ODAD2: variants seen among roughly 807,000 people sequenced by gnomAD.
ODAD2 encodes the protein outer dynein arm-docking complex subunit 2.
In ODAD2, 89 loss-of-function variants were observed where a neutral mutation model predicts 106.8. The observed-to-expected ratio is 0.83, with a 90% CI of 0.70 to 0.99. The LOEUF (loss-of-function observed/expected upper bound fraction) is 0.99. Among genes scored for constraint, ODAD2 ranks in the 50% least tolerant of loss-of-function variants. The pLI is 0.00. For missense variants in ODAD2, 1,168 were observed against 1,238.5 expected (o/e 0.94, Z 0.85); for synonymous variants, 404 against 436.2 (o/e 0.93, Z 0.92).
At chr10:27,854,765 C>T (rs531997021) in intron 19 of ODAD2, among the ~76,000 whole-genome samples, 2 of 151,936 alleles carry the variant, frequency 1.3e-5, no homozygotes, top group African/African-American at 4.8e-5. Context: ...CAAAACAAAA[C>T]TAAACAAAAC....
At chr10:27,918,951 C>CA (rs1844585844) in intron 16 of ODAD2, among the ~76,000 whole-genome samples, 3 of 149,766 alleles carry the variant, frequency 2.0e-5, no homozygotes, top group African/African-American at 7.3e-5. Flanking sequence ...TTATCAATCA[C>CA]AAAACCACAA....
At chr10:27,949,243 T>C (rs1219463691) in intron 10 of ODAD2, among the ~76,000 whole-genome samples, 1 of 152,128 alleles carries the variant, frequency 6.6e-6, no homozygotes, top group Non-Finnish European at 1.5e-5. Flanking sequence ...GACACACCGG[T>C]TTACCAAAAC....
chr10:27,980,871 C>T (rs1849500912), intron 7 of ODAD2, among the ~76,000 whole-genome samples: 1 of 152,128 alleles, frequency 6.6e-6, no homozygotes, highest in Non-Finnish European at 1.5e-5. Context: ...GATACCTGTA[C>T]ACCAATATTC....
At chr10:27,846,147 T>G (rs1838732684) in intron 19 of ODAD2, among the ~76,000 whole-genome samples, 1 of 152,206 alleles carries the variant, frequency 6.6e-6, no homozygotes, top group Non-Finnish European at 1.5e-5. Flanking sequence ...ATCGTACTTA[T>G]TCCAAAATTG....
At chr10:27,940,213 GAT>G (rs1846296506) in intron 13 of ODAD2, among the ~76,000 whole-genome samples, 1 of 151,058 alleles carries the variant, frequency 6.6e-6, no homozygotes. Context: ...ATAGTGTATA[GAT>G]ATATATGTCA....
chr10:27,922,950 A>C (rs1844897129), intron 16 of ODAD2, among the ~76,000 whole-genome samples: 1 of 149,890 alleles, frequency 6.7e-6, no homozygotes, highest in Non-Finnish European at 1.5e-5. Flanking sequence ...AACAAAAAAC[A>C]AAAAAAACTA....
intron 10 of ODAD2, among the ~76,000 whole-genome samples, chr10:27,947,421 C>T (rs972996892): frequency 3.3e-5 from 5 of 152,104 alleles, no homozygotes; most frequent in South Asian, 2.1e-4. Flanking sequence ...GCTATGATCA[C>T]ACTACCACTC....
chr10:27,934,577 T>C (rs1453205672), intron 16 of ODAD2, among the ~76,000 whole-genome samples: 2 of 152,030 alleles, frequency 1.3e-5, no homozygotes, highest in Non-Finnish European at 2.9e-5. Context: ...TTACTTAAAA[T>C]TCTTGTCTCT....
At chr10:27,850,039 C>A (rs746564548) in intron 19 of ODAD2, among the ~76,000 whole-genome samples, 5 of 152,156 alleles carry the variant, frequency 3.3e-5, no homozygotes, top group African/African-American at 7.2e-5. Flanking sequence ...GGACACAGCA[C>A]TAAAGTGAAT....
intron 16 of ODAD2, among the ~76,000 whole-genome samples, chr10:27,921,119 A>G (rs1035527373): frequency 1.3e-5 from 2 of 152,100 alleles, no homozygotes; most frequent in African/African-American, 4.8e-5. Flanking sequence ...GTTAGGTAAC[A>G]TTTCTTAGAA....
chr10:27,914,611 A>T (rs1844234426), intron 16 of ODAD2, among the ~76,000 whole-genome samples: 1 of 152,058 alleles, frequency 6.6e-6, no homozygotes, highest in African/African-American at 2.4e-5. Flanking sequence ...TTTAATGACC[A>T]ATTTGTGGTT....
At chr10:27,925,028 T>C (rs538826286) in intron 16 of ODAD2, among the ~76,000 whole-genome samples, 1 of 144,496 alleles carries the variant, frequency 6.9e-6, no homozygotes, top group Admixed American at 6.9e-5. Context: ...GTGAAGCAAG[T>C]ATAACATTGA....
intron 18 of ODAD2, among the ~76,000 whole-genome samples, chr10:27,861,119 G>A (rs529975981): frequency 2.4e-3 from 369 of 152,268 alleles, no homozygotes; most frequent in African/African-American, 8.5e-3. Context: ...AGCCTCCCAA[G>A]TAGCTGAGAT....
chr10:27,906,033 A>G (rs971265869), intron 17 of ODAD2, among the ~76,000 whole-genome samples: 1 of 152,200 alleles, frequency 6.6e-6, no homozygotes, highest in Non-Finnish European at 1.5e-5. Context: ...GAATTAAACT[A>G]AAAAGCTCTG....
At chr10:27,873,693 T>C (rs1433921587) in intron 17 of ODAD2, among the ~76,000 whole-genome samples, 1 of 152,250 alleles carries the variant, frequency 6.6e-6, no homozygotes, top group African/African-American at 2.4e-5. Context: ...TCCTGAGTTC[T>C]AGTTTGATTG....
At chr10:27,974,731 C>G (rs1482855552) in intron 7 of ODAD2, among the ~76,000 whole-genome samples, 1 of 95,144 alleles carries the variant, frequency 1.1e-5, no homozygotes, top group East Asian at 3.0e-4. Flanking sequence ...CTATTCTTTT[C>G]TGGTTCCATA....
At chr10:27,898,336 A>T (rs7094089) in intron 17 of ODAD2, among the ~76,000 whole-genome samples, 123,155 of 152,068 alleles carry the variant, frequency 0.81, 50,273 homozygotes, top group Non-Finnish European at 0.86. Context: ...TCCAAAAAAA[A>T]CAGTTTTAAG....
chr10:27,985,008 A>T lies in ODAD2; in HGVS notation c.575+11T>A. On this transcript the variant is annotated intron_variant, in intron 4 of 19. Coordinates refer to ENST00000305242, the MANE Select transcript of ODAD2 (RefSeq NM_018076.5). ...CAATACAATAGAGGTTCCTTTTTGAAAAAGACTCACAATGAAATATGTTTT... is the reference window on the plus strand; with the variant it reads ...CAATACAATAGAGGTTCCTTTTTGATAAAGACTCACAATGAAATATGTTTT... 6.3e-7 allele frequency: 1 copy of T among 1,599,694 alleles called. No individual in the cohort carries two copies. The highest frequency in any genetic ancestry group is 1.1e-5 in the South Asian group (1 of 88,344).
chr10:27,944,124 T>C, intron 12 of ODAD2, 98 bp downstream of exon 12: 1 of 1,044,560 alleles, frequency 9.6e-7, no homozygotes, highest in South Asian at 1.5e-5. Flanking sequence ...CACGCTCTCA[T>C]GGCTATGGAA....
Sources: gnomAD v4.1 joint callset for allele counts (sites outside exome capture counted in the v4.1 genomes callset) on GRCh38, gnomAD v4.1.1 for gene constraint, MANE v1.5 for transcripts, NCBI Gene and HGNC (gene_info 2026-07-23, HGNC 2026-07-21) for gene names.